EPHB2: variants seen among roughly 807,000 people sequenced by gnomAD.
EPHB2 encodes the protein ephrin type-B receptor 2.
EPHB2 carries 18 observed loss-of-function variants against 96.4 expected under a neutral mutation model. The observed-to-expected ratio is 0.19, with a 90% CI of 0.13 to 0.28. EPHB2 has a LOEUF of 0.28. EPHB2 is among the 10% of genes least tolerant of loss of function. The probability of loss-of-function intolerance (pLI) is 1.00; values close to 1 mark genes in which losing one functional copy is unlikely to be tolerated. For missense variants in EPHB2, 989 were observed against 1,355.4 expected, an observed-to-expected ratio of 0.73 and a Z score of 4.25; for synonymous variants, 506 against 534.1, an observed-to-expected ratio of 0.95 and a Z score of 0.72.
At chr1:22,886,526 T>A (rs1639229666) in intron 6 of EPHB2, among the ~76,000 whole-genome samples, 1 of 151,790 alleles carries the variant, frequency 6.6e-6, no homozygotes, top group Non-Finnish European at 1.5e-5. Flanking sequence ...AGGGAGCGCC[T>A]GTACAGGGCT....
intron 3 of EPHB2, among the ~76,000 whole-genome samples, chr1:22,832,296 A>G (rs1396065209): frequency 1.3e-5 from 2 of 152,144 alleles, no homozygotes; most frequent in Non-Finnish European, 2.9e-5. Context: ...GGGCAAACCA[A>G]TGCCACCTCT....
At chr1:22,871,032 C>A (rs2138542) in intron 5 of EPHB2, among the ~76,000 whole-genome samples, 1 of 152,130 alleles carries the variant, frequency 6.6e-6, no homozygotes, top group Non-Finnish European at 1.5e-5. Context: ...CAAAACGGCT[C>A]ACATTTGTCA....
intron 1 of EPHB2, among the ~76,000 whole-genome samples, chr1:22,714,298 A>G (rs1344535881): frequency 6.6e-6 from 1 of 152,128 alleles, no homozygotes; most frequent in Middle Eastern, 3.4e-3. Flanking sequence ...GCATTGCCTC[A>G]TTTTCTCACC....
intron 3 of EPHB2, chr1:22,835,623 G>A (rs1364024503): frequency 2.6e-5 from 4 of 152,246 alleles, no homozygotes; most frequent in Admixed American, 2.0e-4. Context: ...ATGGGGTTGT[G>A]AGTGAACGAG....
At chr1:22,907,888 G>A in intron 11 of EPHB2, 65 bp from the exon 12 acceptor site, 1 of 1,581,346 alleles carries the variant, frequency 6.3e-7, no homozygotes, top group South Asian at 1.1e-5. Context: ...CCCATTATGA[G>A]GATGATGCAG....
At chr1:22,869,876 T>TC in intron 5 of EPHB2, among the ~76,000 whole-genome samples, 1 of 152,252 alleles carries the variant, frequency 6.6e-6, no homozygotes, top group Middle Eastern at 3.4e-3. Flanking sequence ...CTTGTTCGTC[T>TC]CCCCCATCAT....
At chr1:22,817,717 C>T (rs1055196748) in intron 3 of EPHB2, among the ~76,000 whole-genome samples, 8 of 152,176 alleles carry the variant, frequency 5.3e-5, no homozygotes, top group Non-Finnish European at 8.8e-5. Context: ...AGGCTAAAGG[C>T]GAGCCTGGTC....
At chr1:22,780,022 G>A (rs1644506772) in intron 1 of EPHB2, among the ~76,000 whole-genome samples, 1 of 152,210 alleles carries the variant, frequency 6.6e-6, no homozygotes, top group Non-Finnish European at 1.5e-5. Flanking sequence ...ACCAGGAACT[G>A]CTCCATGGTA....
At chr1:22,899,850 A>C (rs909198052) in intron 9 of EPHB2, among the ~76,000 whole-genome samples, 1 of 151,924 alleles carries the variant, frequency 6.6e-6, no homozygotes, top group African/African-American at 2.4e-5. Context: ...AAAATTAGCC[A>C]GGCATGGTGG....
intron 3 of EPHB2, among the ~76,000 whole-genome samples, chr1:22,850,073 G>A (rs913088467): frequency 6.6e-6 from 1 of 152,196 alleles, no homozygotes; most frequent in African/African-American, 2.4e-5. Flanking sequence ...GTGGGAGGAG[G>A]GAGGAGGCCA....
chr1:22,905,615 G>A (rs371333312), intron 9 of EPHB2, among the ~76,000 whole-genome samples: 4 of 152,086 alleles, frequency 2.6e-5, no homozygotes, highest in Non-Finnish European at 2.9e-5. Flanking sequence ...CTTCGTTTAC[G>A]TTGCACCCCT....
intron 3 of EPHB2, among the ~76,000 whole-genome samples, chr1:22,818,690 A>G (rs1261117673): frequency 6.6e-6 from 1 of 151,856 alleles, no homozygotes; most frequent in African/African-American, 2.4e-5. Context: ...GCTGTTCTCT[A>G]GGCCTAGAAT....
rs901910921 is a variant in EPHB2, at chr1:22,916,117, T to G, written c.*2547T>G. The G allele has an allele frequency of 1.2e-4, 18 of 152,268 alleles. No homozygotes were observed. Among genetic ancestry groups the G allele is most frequent in the African/African-American group, 4.1e-4 (17 of 41,452 alleles). 9.4% of individuals were successfully genotyped at this position (152,268 alleles called of 1,614,324 possible). On this transcript the variant is annotated 3_prime_UTR_variant, in exon 16 of 16. Coordinates refer to ENST00000374630, the MANE Select transcript of EPHB2 (RefSeq NM_017449.5). This position sits in a 1 kb window ranked among gnomAD's most constrained non-coding sequence, Gnocchi z 4.2. ...CGGCAGTGGCCCACTGGCCTTCACT[T>G]TGTGCCCCAAAGGTGCCCTGCGCGG... is the stretch of plus-strand genomic sequence containing the variant.
At chr1:22,773,714 C>A (rs894822192) in intron 1 of EPHB2, among the ~76,000 whole-genome samples, 3 of 152,214 alleles carry the variant, frequency 2.0e-5, no homozygotes, top group South Asian at 4.1e-4. Flanking sequence ...GAAGACCCAA[C>A]CTCCTTAGCC....
chr1:22,891,685 A>G (rs1639393128), intron 6 of EPHB2, among the ~76,000 whole-genome samples: 2 of 152,154 alleles, frequency 1.3e-5, no homozygotes, highest in African/African-American at 4.8e-5. Flanking sequence ...AGGAAGCCAA[A>G]ATTGGTGTTC....
intron 3 of EPHB2, among the ~76,000 whole-genome samples, chr1:22,833,245 AG>A (rs1175047565): frequency 1.3e-5 from 2 of 151,960 alleles, no homozygotes; most frequent in Non-Finnish European, 2.9e-5. Context: ...CAGCCTCCTG[AG>A]TAGCTAGGAC....
At chr1:22,760,356 G>A (rs768140733) in intron 1 of EPHB2, among the ~76,000 whole-genome samples, 2 of 152,188 alleles carry the variant, frequency 1.3e-5, no homozygotes, top group Non-Finnish European at 2.9e-5. Context: ...GTGGGCTAAG[G>A]TCAATTCCAC....
intron 3 of EPHB2, among the ~76,000 whole-genome samples, chr1:22,788,108 C>A (rs907766015): frequency 3.9e-5 from 6 of 152,220 alleles, no homozygotes; most frequent in African/African-American, 1.4e-4. Flanking sequence ...AAGCAAGTCA[C>A]CCAATTCAGC....
chr1:22,911,850 G>A (rs1640113913), intron 14 of EPHB2, among the ~76,000 whole-genome samples: 1 of 152,148 alleles, frequency 6.6e-6, no homozygotes, highest in African/African-American at 2.4e-5. Flanking sequence ...CCCTGTGTCA[G>A]CCACCCCTAA....
Sources: allele counts gnomAD v4.1 joint callset (sites outside exome capture counted in the v4.1 genomes callset), GRCh38; gene constraint gnomAD v4.1.1; non-coding constraint Gnocchi (gnomAD v3.1); transcripts MANE v1.5; gene names NCBI Gene and HGNC (gene_info 2026-07-23, HGNC 2026-07-21).